The following STAP1 variants were observed in gnomAD, a reference collection of about 807,000 sequenced individuals.
The protein encoded by STAP1 is signal-transducing adaptor protein 1.
STAP1 carries 30 observed loss-of-function variants against 37.8 expected under a neutral mutation model. The ratio of observed to expected loss-of-function variants is 0.79; its 90% CI spans 0.59 to 1.08. The LOEUF (loss-of-function observed/expected upper bound fraction) is 1.08, where lower values mean the gene tolerates loss of function less well. Among genes scored for constraint, STAP1 ranks in the 50% least tolerant of loss-of-function variants. The pLI, the probability that STAP1 is intolerant of heterozygous loss-of-function variation, is 0.00. For synonymous variants in STAP1, 130 were observed against 116.0 expected (o/e 1.12, Z -0.78); for missense variants, 357 against 349.4 (o/e 1.02, Z -0.17).
chr4:67,576,583 T>A (rs1475044298), intron 3 of STAP1, among the ~76,000 whole-genome samples: 1 of 152,246 alleles, frequency 6.6e-6, no homozygotes, highest in Non-Finnish European at 1.5e-5. Flanking sequence ...ATATGTTGGC[T>A]GCAGTCTTGA....
intron 6 of STAP1, among the ~76,000 whole-genome samples, 196 bp from the exon 7 acceptor site, chr4:67,590,688 C>T (rs1033252906): frequency 6.6e-6 from 1 of 151,590 alleles, no homozygotes; most frequent in African/African-American, 2.4e-5. Flanking sequence ...TAGTGAGTAG[C>T]CCCCACAAAA....
intron 1 of STAP1, among the ~76,000 whole-genome samples, chr4:67,568,208 A>C (rs1382959669): frequency 6.6e-6 from 1 of 152,224 alleles, no homozygotes; most frequent in Non-Finnish European, 1.5e-5. Flanking sequence ...AAAAAACATA[A>C]AGGATATGTT....
chr4:67,575,357 G>A (rs374586546), intron 2 of STAP1, 28 bp from the exon 3 acceptor site: 22 of 1,461,940 alleles, frequency 1.5e-5, no homozygotes, highest in Non-Finnish European at 2.0e-5. Flanking sequence ...ATGAAATAAT[G>A]TAATGTGATC....
chr4:67,581,582 T>C, intron 5 of STAP1, 111 bp downstream of exon 5: 1 of 1,225,924 alleles, frequency 8.2e-7, no homozygotes, highest in South Asian at 1.5e-5. Flanking sequence ...TAAGCAGTCT[T>C]GGGGATAAAC....
At position 67,566,799 on chromosome 4, in the gene STAP1, G is replaced by A. The variant is rs142887807; in HGVS notation, c.121-4285G>A. On this transcript the variant is annotated intron_variant, in intron 1 of 8. Transcript: ENST00000265404. ...AGCCTGCCCAACATGGTGAAACTCCGTCTCTACTAAAAATATAAAAATTAG... is the reference window on the plus strand; with the variant it reads ...AGCCTGCCCAACATGGTGAAACTCCATCTCTACTAAAAATATAAAAATTAG... 7.0e-4 allele frequency among the ~76,000 whole-genome samples: 106 copies of A among 152,122 alleles called. 1 individual carries two copies. The East Asian group carries it at 0.019, about 27-fold the overall frequency.
chr4:67,605,112 T>G (rs1728422849), intron 8 of STAP1, among the ~76,000 whole-genome samples: 1 of 152,170 alleles, frequency 6.6e-6, no homozygotes, highest in African/African-American at 2.4e-5. Flanking sequence ...TTTCCTGGTG[T>G]TCTAGCTAGA....
intron 8 of STAP1, among the ~76,000 whole-genome samples, chr4:67,599,856 G>A (rs1328534017): frequency 6.6e-6 from 1 of 151,890 alleles, no homozygotes; most frequent in African/African-American, 2.4e-5. Flanking sequence ...TGGCCAGGCT[G>A]GTCTCGAACT....
chr4:67,559,638 C>G (rs1055610258), intron 1 of STAP1, among the ~76,000 whole-genome samples: 2 of 151,822 alleles, frequency 1.3e-5, no homozygotes, highest in Admixed American at 1.3e-4. Context: ...TTATGGATGA[C>G]TTGAAATTAA....
At chr4:67,599,186 CTT>C (rs1292176423) in intron 8 of STAP1, among the ~76,000 whole-genome samples, 4 of 151,898 alleles carry the variant, frequency 2.6e-5, no homozygotes, top group African/African-American at 9.7e-5. Context: ...AAAAATGTGT[CTT>C]TGTTAGTTTT....
intron 4 of STAP1, among the ~76,000 whole-genome samples, chr4:67,579,095 C>A (rs1254837429): frequency 6.6e-6 from 1 of 152,186 alleles, no homozygotes; most frequent in African/African-American, 2.4e-5. Flanking sequence ...CTCAAGTGAT[C>A]CTCCCACCTC....
intron 6 of STAP1, among the ~76,000 whole-genome samples, chr4:67,583,996 G>A (rs1215571989): frequency 6.6e-6 from 1 of 151,682 alleles, no homozygotes; most frequent in Admixed American, 6.6e-5. Flanking sequence ...TACTCGGGAG[G>A]CTGAGGCGGG....
At chr4:67,568,867 T>G (rs775490643) in intron 1 of STAP1, among the ~76,000 whole-genome samples, 1 of 152,246 alleles carries the variant, frequency 6.6e-6, no homozygotes, top group East Asian at 1.9e-4. Flanking sequence ...CCTTCACTGG[T>G]CCATCTGACA....
Position 67,558,930 on chromosome 4 carries a change from G to A in STAP1, c.120+1G>A. On this transcript the variant is annotated splice_donor_variant, in intron 1 of 8. Transcript: ENST00000265404. LOFTEE classifies it high-confidence loss of function. ...ATTAATCAAGCGGTCAGGATACCGG[G>A]TGAGTCTATAGATGATAATGTTAAA... The A allele has an allele frequency of 1.2e-6, 2 of 1,610,660 alleles. No homozygotes were observed. The highest frequency in any genetic ancestry group is 1.1e-5 in the South Asian group (1 of 90,540).
intron 8 of STAP1, among the ~76,000 whole-genome samples, chr4:67,603,591 G>A (rs1053907228): frequency 1.3e-5 from 2 of 151,862 alleles, no homozygotes; most frequent in African/African-American, 2.4e-5. Context: ...TTAGTCAGTA[G>A]GTGATGAATA....
intron 1 of STAP1, among the ~76,000 whole-genome samples, chr4:67,561,942 C>T (rs1459348933): frequency 2.6e-5 from 4 of 151,736 alleles, no homozygotes; most frequent in Non-Finnish European, 5.9e-5. Context: ...CATGGTGGCA[C>T]GCACCTGTGG....
At chr4:67,597,196 G>A (rs1291353304) in intron 8 of STAP1, among the ~76,000 whole-genome samples, 1 of 152,256 alleles carries the variant, frequency 6.6e-6, no homozygotes, top group Non-Finnish European at 1.5e-5. Flanking sequence ...AAAAGGGGTT[G>A]AGGTACAGCT....
chr4:67,600,550 TTTG>T (rs1728317367), intron 8 of STAP1, among the ~76,000 whole-genome samples: 2 of 152,264 alleles, frequency 1.3e-5, no homozygotes, highest in South Asian at 4.1e-4. Flanking sequence ...ATGTCCGATG[TTTG>T]TTGATTTTCT....
chr4:67,583,857 G>A (rs769263225), intron 6 of STAP1, among the ~76,000 whole-genome samples, 155 bp downstream of exon 6: 6 of 152,100 alleles, frequency 3.9e-5, no homozygotes, highest in East Asian at 1.9e-4. Flanking sequence ...TCAACACTTC[G>A]GGAGGCTGAG....
chr4:67,563,041 T>C, intron 1 of STAP1, among the ~76,000 whole-genome samples: 1 of 152,120 alleles, frequency 6.6e-6, no homozygotes, highest in Non-Finnish European at 1.5e-5. Context: ...TGAGAGCTTT[T>C]TATTGGGGAC....
Sources: gnomAD v4.1 joint callset for allele counts (sites outside exome capture counted in the v4.1 genomes callset) on GRCh38, gnomAD v4.1.1 for gene constraint, MANE v1.5 for transcripts, NCBI Gene and HGNC (gene_info 2026-07-23, HGNC 2026-07-21) for gene names.